Variants in DHX15 observed in about 807,000 individuals in gnomAD.
DHX15 encodes DEAH-box helicase 15.
A neutral mutation model predicts 94.4 loss-of-function variants in DHX15; 11 were observed. The ratio of observed to expected loss-of-function variants is 0.12; its 90% CI spans 0.07 to 0.19. The LOEUF is 0.19. DHX15 is among the 10% of genes least tolerant of loss of function. The pLI is 1.00. For synonymous variants in DHX15, 338 were observed against 329.9 expected (o/e 1.02, Z -0.27); for missense variants, 304 against 988.5 (o/e 0.31, Z 9.29).
At chr4:24,575,347 T>C (rs935902549) in intron 2 of DHX15, among the ~76,000 whole-genome samples, 1 of 152,196 alleles carries the variant, frequency 6.6e-6, no homozygotes, top group African/African-American at 2.4e-5. Flanking sequence ...AATACTTTCC[T>C]GAATTTTTCA....
rs376036835 is a variant in DHX15 at position 24,536,333 on chromosome 4, C to T, written c.1909+718G>A. 3.9e-4 allele frequency among the ~76,000 whole-genome samples: 60 copies of T among 152,206 alleles called. No individual in the cohort carries two copies. In the South Asian group the frequency reaches 0.011, roughly 27 times the overall value. ...TTCTGGTGAAATTATTTAATCAAAT[C>T]AGTGTCCACAGAATACCAAAAAATA... On this transcript the variant is annotated intron_variant, in intron 11 of 13. Transcript: ENST00000336812.
chr4:24,570,956 G>T, intron 2 of DHX15, 109 bp from the exon 3 acceptor site: 1 of 1,094,064 alleles, frequency 9.1e-7, no homozygotes, highest in Non-Finnish European at 1.3e-6. Flanking sequence ...AATCCAATTA[G>T]GCAAATGACT....
intron 3 of DHX15, among the ~76,000 whole-genome samples, chr4:24,568,853 T>C (rs1181652207): frequency 1.3e-5 from 2 of 152,250 alleles, no homozygotes; most frequent in African/African-American, 4.8e-5. Context: ...TTGTCAATTA[T>C]ACTGTAATTA....
chr4:24,540,064 ACT>A (rs769974659), intron 10 of DHX15, 42 bp downstream of exon 10: 2 of 1,404,960 alleles, frequency 1.4e-6, no homozygotes, highest in Non-Finnish European at 1.9e-6. Context: ...GTCCACCCAA[ACT>A]TTGAAGAGCT....
chr4:24,540,556 T>C (rs1721287732), intron 9 of DHX15, among the ~76,000 whole-genome samples: 1 of 151,998 alleles, frequency 6.6e-6, no homozygotes, highest in Admixed American at 6.6e-5. Context: ...TATCAAACTG[T>C]TTTTCCCCAA....
chr4:24,557,760 A>C (rs1721768167), intron 3 of DHX15, among the ~76,000 whole-genome samples: 1 of 152,126 alleles, frequency 6.6e-6, no homozygotes, highest in African/African-American at 2.4e-5. Flanking sequence ...AAGACAGTAA[A>C]GCATAGTGCA....
intron 3 of DHX15, among the ~76,000 whole-genome samples, chr4:24,557,009 A>T (rs1185940573): frequency 6.6e-6 from 1 of 152,176 alleles, no homozygotes; most frequent in Non-Finnish European, 1.5e-5. Flanking sequence ...ACACTAAACA[A>T]ATGCTGATAC....
intron 13 of DHX15, 140 bp downstream of exon 13, chr4:24,529,461 A>G: frequency 1.5e-6 from 1 of 684,392 alleles, no homozygotes; most frequent in East Asian, 2.7e-5. Context: ...TAATCACACC[A>G]TCCAGTCAAT....
At chr4:24,547,925 ATATATATATATATATATC>A (rs1721476234) in intron 6 of DHX15, among the ~76,000 whole-genome samples, 2 of 50,952 alleles carry the variant, frequency 3.9e-5, no homozygotes, top group African/African-American at 1.8e-4. Context: ...ATATATATAT[ATATATATATATATATATC>A]TATATCTATA....
chr4:24,547,561 C>T (rs1721450964), intron 6 of DHX15, among the ~76,000 whole-genome samples: 1 of 152,070 alleles, frequency 6.6e-6, no homozygotes, highest in Non-Finnish European at 1.5e-5. Flanking sequence ...CTTTGTTGTA[C>T]ACCAGTTTCA....
intron 11 of DHX15, chr4:24,533,565 GAAGA>G (rs1186801936): frequency 6.4e-6 from 1 of 156,558 alleles, no homozygotes. Flanking sequence ...TCCTGAAACA[GAAGA>G]AAGTTTACAA....
In DHX15 at chr4:24,527,857, T is replaced by A; in HGVS notation, c.*67A>T. 8.6e-7 allele frequency: 1 copy of A among 1,167,614 alleles called. No individual in the cohort carries two copies. Among genetic ancestry groups the A allele is most frequent in the Non-Finnish European group, 1.3e-6 (1 of 779,824 alleles). The allele number at this position is 1,167,614 out of a possible 1,614,324, so 72.3% of individuals were successfully genotyped here. A position where few individuals can be genotyped will look rare whatever the true frequency, so the allele number is the denominator to read the frequency against. On this transcript the variant is annotated 3_prime_UTR_variant, in exon 14 of 14. Coordinates refer to ENST00000336812, the MANE Select transcript of DHX15 (RefSeq NM_001358.3). ...ATCGAACCAACGTGAAGAGCACAACTCGAACTTTTGAGTTCATTCATCTTT... is the reference window on the plus strand; with the variant it reads ...ATCGAACCAACGTGAAGAGCACAACACGAACTTTTGAGTTCATTCATCTTT...
chr4:24,564,730 C>G (rs910189395), intron 3 of DHX15, among the ~76,000 whole-genome samples: 1 of 152,170 alleles, frequency 6.6e-6, no homozygotes, highest in African/African-American at 2.4e-5. Context: ...CACTAACTTA[C>G]TGTAATCACA....
At position 24,575,166 on chromosome 4, in the gene DHX15, A is replaced by G. The variant is rs146717685; in HGVS notation, c.507+1077T>C. On this transcript the variant is annotated intron_variant, in intron 2 of 13. Coordinates refer to ENST00000336812, the MANE Select transcript of DHX15 (RefSeq NM_001358.3). ...CAACAACACAAAAATTAAAAAAAAA[A>G]AAAAGAAAAGAAAAGAAGAATGGTA... 8.5e-4 allele frequency among the ~76,000 whole-genome samples: 129 copies of G among 152,080 alleles called. 1 individual carries two copies. The East Asian group carries it at 0.014, about 16-fold the overall frequency.
intron 3 of DHX15, chr4:24,563,079 A>G (rs1215084890): frequency 1.3e-5 from 2 of 151,824 alleles, no homozygotes; most frequent in Non-Finnish European, 2.9e-5. Flanking sequence ...TTAAATGTCC[A>G]GGTATAATTT....
intron 3 of DHX15, among the ~76,000 whole-genome samples, chr4:24,568,891 AACT>A (rs1231418337): frequency 1.3e-5 from 2 of 152,354 alleles, no homozygotes; most frequent in East Asian, 3.9e-4. Flanking sequence ...ATCACTGAAC[AACT>A]ACAAGAATTT....
intron 6 of DHX15, among the ~76,000 whole-genome samples, chr4:24,547,903 G>A (rs28522475): frequency 0.018 from 1,264 of 69,968 alleles, 24 homozygotes; most frequent in Non-Finnish European, 0.022. Context: ...GTATGTATGT[G>A]TATATATATA....
chr4:24,550,429 A>G lies in DHX15; in HGVS notation c.1081-1407T>C, dbSNP rs1369813405. On this transcript the variant is annotated intron_variant, in intron 5 of 13. Transcript: ENST00000336812. ...TAGTAACACTTAGCTTAAAACACAA[A>G]CACACCGTATGGCTGTGCAAAAGTA... 2.0e-5 allele frequency among the ~76,000 whole-genome samples: 3 copies of G among 152,204 alleles called. No individual in the cohort carries two copies. The East Asian group carries it at 5.8e-4, about 29-fold the overall frequency.
chr4:24,543,448 G>A (rs1468898111), intron 6 of DHX15, among the ~76,000 whole-genome samples: 2 of 151,974 alleles, frequency 1.3e-5, no homozygotes, highest in East Asian at 3.8e-4. Context: ...TGAAAACTTC[G>A]TTATTTATAT....
Sources: gnomAD v4.1 joint callset for allele counts (sites outside exome capture counted in the v4.1 genomes callset) on GRCh38, gnomAD v4.1.1 for gene constraint, MANE v1.5 for transcripts, NCBI Gene and HGNC (gene_info 2026-07-23, HGNC 2026-07-21) for gene names.